Variants in DPH6 observed in about 807,000 individuals in gnomAD.
DPH6 encodes diphthamine biosynthesis 6.
In DPH6, 33 loss-of-function variants were observed where a neutral mutation model predicts 38.2. That is an observed-to-expected ratio of 0.86 (90% confidence interval 0.65 to 1.15). The LOEUF (loss-of-function observed/expected upper bound fraction) is 1.15, where lower values mean the gene tolerates loss of function less well. Among genes scored for constraint, DPH6 ranks in the 50% most tolerant of loss-of-function variants. The probability of loss-of-function intolerance (pLI) is 0.00; values close to 1 mark genes in which losing one functional copy is unlikely to be tolerated. For synonymous variants in DPH6, 108 were observed against 103.0 expected (o/e 1.05, Z -0.30); for missense variants, 325 against 320.0 (o/e 1.02, Z -0.12).
At chr15:35,195,476 C>T in the DPH6 span, among the ~76,000 whole-genome samples, 1 of 152,094 alleles carries the variant, frequency 6.6e-6, no homozygotes, top group South Asian at 2.1e-4. Flanking sequence ...AGCATTGAAT[C>T]CATATTTAAA....
chr15:35,317,590 C>CAAAAAAAAAAAAGA (rs61113463), intron 3 of DPH6, among the ~76,000 whole-genome samples: 9,193 of 72,534 alleles, frequency 0.13, 683 homozygotes, highest in East Asian at 0.36. Flanking sequence ...TTCTGCTGGA[C>CAAAAAAAAAAAAGA]AAAAAAAAAA....
downstream of DPH6, chr15:35,365,921 G>C: frequency 1.0e-6 from 1 of 985,264 alleles, no homozygotes; most frequent in Non-Finnish European, 1.2e-6. Context: ...TTAGGTTTTA[G>C]ACTGGTAAAT....
chr15:35,298,443 C>G (rs972121174), intron 3 of DPH6: 1 of 753,738 alleles, frequency 1.3e-6, no homozygotes, highest in Admixed American at 1.7e-5. Context: ...ACACTTTCCC[C>G]AACTTTGAGA....
chr15:35,359,456 G>A (rs2052595240), intron 3 of DPH6, among the ~76,000 whole-genome samples: 1 of 152,192 alleles, frequency 6.6e-6, no homozygotes, highest in African/African-American at 2.4e-5. Flanking sequence ...TTCTCTCTGT[G>A]TAGTTTTACT....
At chr15:35,246,499 A>C (rs557132608) in intron 3 of DPH6, among the ~76,000 whole-genome samples, 7 of 152,276 alleles carry the variant, frequency 4.6e-5, no homozygotes, top group Non-Finnish European at 8.8e-5. Context: ...TTTTTCTTCA[A>C]AGCTCTGCCT....
chr15:35,311,062 A>AAAC (rs10648219), intron 3 of DPH6, among the ~76,000 whole-genome samples: 20 of 150,590 alleles, frequency 1.3e-4, no homozygotes, highest in Admixed American at 4.6e-4. Context: ...GCCACCTCAA[A>AAAC]AACAACAACA....
At chr15:35,369,758 T>G (rs1329585226), downstream of DPH6, among the ~76,000 whole-genome samples, 3 of 151,744 alleles carry the variant, frequency 2.0e-5, no homozygotes, top group East Asian at 5.8e-4. Flanking sequence ...AAAGAGATAT[T>G]GCATGTTCAT....
At chr15:35,498,680 T>C (rs1057429436) in intron 3 of DPH6, among the ~76,000 whole-genome samples, 16 of 152,166 alleles carry the variant, frequency 1.1e-4, no homozygotes, top group African/African-American at 3.6e-4. Context: ...CCTTATATAT[T>C]GTAACTTCTT....
chr15:35,352,522 C>T lies in DPH6; in HGVS notation n.207+20999G>A, dbSNP rs371886664. On this transcript the variant is annotated intron_variant and non_coding_transcript_variant, in intron 3 of 3. Coordinates refer to the DPH6 transcript ENST00000558973. ...TTCAATTCCCACCTATGAGTGAGAA[C>T]ATGTGATATTTGGTTTTTTGTCCTT... Among the ~76,000 whole-genome samples, 11 of 152,070 alleles carry T rather than the reference C, an allele frequency of 7.2e-5. No individual in the cohort carries two copies. In the East Asian group the frequency reaches 1.3e-3, roughly 19 times the overall value.
chr15:35,230,347 C>T (rs1156810349), intron 3 of DPH6, among the ~76,000 whole-genome samples: 1 of 152,174 alleles, frequency 6.6e-6, no homozygotes, highest in Non-Finnish European at 1.5e-5. Flanking sequence ...ACCAATGTTC[C>T]CTTAAGGCCC....
chr15:35,233,412 T>G (rs2051531796), intron 3 of DPH6, among the ~76,000 whole-genome samples: 1 of 152,238 alleles, frequency 6.6e-6, no homozygotes, highest in Non-Finnish European at 1.5e-5. Flanking sequence ...GCACAAATTC[T>G]TTTTGTTGTT....
chr15:35,146,122 T>C, the DPH6 span, among the ~76,000 whole-genome samples: 1 of 151,186 alleles, frequency 6.6e-6, no homozygotes, highest in South Asian at 2.1e-4. Flanking sequence ...TATACATACA[T>C]GCATGAGCAC....
chr15:35,162,207 G>C, the DPH6 span, among the ~76,000 whole-genome samples: 3 of 151,816 alleles, frequency 2.0e-5, no homozygotes, highest in Admixed American at 6.6e-5. Context: ...CCCAAGCCTA[G>C]TTCCTTCATA....
chr15:35,430,577 T>C (rs1041318568), intron 5 of DPH6, among the ~76,000 whole-genome samples: 1 of 152,092 alleles, frequency 6.6e-6, no homozygotes, highest in Admixed American at 6.6e-5. Flanking sequence ...ATTTTTAATC[T>C]AATCATGATC....
intron 3 of DPH6, among the ~76,000 whole-genome samples, chr15:35,253,445 G>A (rs565067313): frequency 2.3e-4 from 35 of 152,210 alleles, no homozygotes; most frequent in African/African-American, 7.5e-4. Flanking sequence ...AGCACCATTC[G>A]GGAATAATAC....
the DPH6 span, among the ~76,000 whole-genome samples, chr15:35,201,971 C>T: frequency 4.0e-5 from 6 of 151,674 alleles, no homozygotes; most frequent in Non-Finnish European, 8.9e-5. Context: ...CTCAACTTAG[C>T]ATATTCTTCT....
chr15:35,237,422 A>G, intron 3 of DPH6: 1 of 1,605,856 alleles, frequency 6.2e-7, no homozygotes, highest in Admixed American at 1.7e-5. Context: ...GAATGAAGGC[A>G]AACTCGAAGG....
chr15:35,188,324 G>A, the DPH6 span, among the ~76,000 whole-genome samples: 1 of 152,084 alleles, frequency 6.6e-6, no homozygotes, highest in Non-Finnish European at 1.5e-5. Context: ...TGCCTCAAGT[G>A]AGCATGTGTA....
chr15:35,227,182 T>A (rs1349039020), intron 3 of DPH6, among the ~76,000 whole-genome samples: 3 of 129,456 alleles, frequency 2.3e-5, no homozygotes, highest in Non-Finnish European at 4.9e-5. Context: ...TTCTTTTTTT[T>A]TTTTTTTTTT....
Sources: gnomAD v4.1 joint callset for allele counts (sites outside exome capture counted in the v4.1 genomes callset) on GRCh38, gnomAD v4.1.1 for gene constraint, MANE v1.5 for transcripts, NCBI Gene and HGNC (gene_info 2026-07-23, HGNC 2026-07-21) for gene names.